Variants in THADA observed in about 807,000 individuals in gnomAD.
THADA encodes THADA armadillo repeat containing.
A neutral mutation model predicts 219.8 loss-of-function variants in THADA; 213 were observed. The ratio of observed to expected loss-of-function variants is 0.97; its 90% CI spans 0.87 to 1.09. THADA has a LOEUF of 1.09. Among genes scored for constraint, THADA ranks in the 50% least tolerant of loss-of-function variants. The pLI is 0.00. For missense variants in THADA, 2,956 were observed against 2,311.3 expected (o/e 1.28, Z -5.72); for synonymous variants, 1,018 against 828.9 (o/e 1.23, Z -3.92).
intron 29 of THADA, among the ~76,000 whole-genome samples, chr2:43,381,367 A>G (rs1271118370): frequency 1.3e-5 from 2 of 152,166 alleles, no homozygotes; most frequent in Non-Finnish European, 2.9e-5. Context: ...GAAGAATTCA[A>G]AATAAGTAAT....
chr2:43,396,878 T>C (rs775244023), intron 29 of THADA, among the ~76,000 whole-genome samples: 1 of 152,130 alleles, frequency 6.6e-6, no homozygotes, highest in African/African-American at 2.4e-5. Flanking sequence ...TAGGGGGAAT[T>C]AGTTATGAAA....
chr2:43,421,910 C>T (rs1420088238), intron 28 of THADA, among the ~76,000 whole-genome samples: 1 of 152,138 alleles, frequency 6.6e-6, no homozygotes, highest in East Asian at 1.9e-4. Flanking sequence ...TTTGAGAGAT[C>T]GAAGGACCCA....
chr2:43,508,671 C>T lies in THADA; in HGVS notation c.3484G>A (p.Ala1162Thr), dbSNP rs770743595. ...ACCTGTATGTAGAAAGGAATTCCAG[C>T]ACTGCGCCTTGTAGCACAGAGTTTA... ...SSKLCATRRS[A>T]GIPFYIQALL... Residue 1162 changes from alanine (A) to threonine (T), a missense_variant, in exon 23 of 38, where the codon GCT becomes ACT. Transcript: ENST00000405975. 7 of 1,613,412 alleles carry T rather than the reference C, an allele frequency of 4.3e-6. No homozygotes were observed. The African/African-American group carries it at 8.0e-5, about 18-fold the overall frequency.
chr2:43,370,664 G>A (rs1474666913), intron 29 of THADA, among the ~76,000 whole-genome samples: 1 of 152,090 alleles, frequency 6.6e-6, no homozygotes, highest in Non-Finnish European at 1.5e-5. Flanking sequence ...TACTCAAGAA[G>A]TTAATACTGA....
At chr2:43,358,946 T>A (rs1332892278) in intron 29 of THADA, among the ~76,000 whole-genome samples, 2 of 152,144 alleles carry the variant, frequency 1.3e-5, no homozygotes, top group Non-Finnish European at 2.9e-5. Flanking sequence ...AAAGTGGCTG[T>A]TTATAAGGGA....
intron 3 of THADA, among the ~76,000 whole-genome samples, chr2:43,591,351 A>T (rs1701546440): frequency 6.6e-6 from 1 of 152,092 alleles, no homozygotes; most frequent in Non-Finnish European, 1.5e-5. Context: ...CAAAGTGTCA[A>T]TTACGTGAAA....
intron 28 of THADA, among the ~76,000 whole-genome samples, chr2:43,422,374 T>A (rs1470449004): frequency 6.6e-6 from 1 of 152,180 alleles, no homozygotes; most frequent in African/African-American, 2.4e-5. Flanking sequence ...TTCCTCCTCA[T>A]CTTGGTCACC....
intron 29 of THADA, among the ~76,000 whole-genome samples, chr2:43,392,138 G>C (rs970867963): frequency 2.6e-5 from 4 of 152,128 alleles, no homozygotes; most frequent in African/African-American, 9.7e-5. Context: ...ATCAAGAAAT[G>C]TTCCATTTCT....
At chr2:43,380,553 C>G (rs1013669091) in intron 29 of THADA, among the ~76,000 whole-genome samples, 20 of 152,204 alleles carry the variant, frequency 1.3e-4, no homozygotes, top group African/African-American at 4.8e-4. Context: ...AATACAGTTG[C>G]AGAAGGACAG....
intron 15 of THADA, chr2:43,564,510 G>C (rs918415806): frequency 6.6e-6 from 1 of 152,200 alleles, no homozygotes; most frequent in African/African-American, 2.4e-5. Flanking sequence ...AAGGATACTT[G>C]TGATGACATT....
intron 24 of THADA, 81 bp downstream of exon 24, chr2:43,505,541 G>C: frequency 3.8e-6 from 4 of 1,045,304 alleles, no homozygotes; most frequent in Non-Finnish European, 4.2e-6. Context: ...GTAACAAGAC[G>C]GTAACAGCCG....
chr2:43,415,463 C>T (rs780091553), intron 28 of THADA, among the ~76,000 whole-genome samples: 9 of 152,240 alleles, frequency 5.9e-5, no homozygotes, highest in Middle Eastern at 3.4e-3. Flanking sequence ...AGTAGTAGAA[C>T]GTGCTCCCTT....
intron 26 of THADA, among the ~76,000 whole-genome samples, chr2:43,432,323 A>G (rs574101977): frequency 1.9e-3 from 294 of 152,280 alleles, no homozygotes; most frequent in African/African-American, 6.8e-3. Context: ...TTTTTCACTC[A>G]GCACAGAGTT....
chr2:43,430,823 C>A (rs139638454), intron 26 of THADA, among the ~76,000 whole-genome samples: 1 of 152,288 alleles, frequency 6.6e-6, no homozygotes, highest in African/African-American at 2.4e-5. Context: ...CAACACCCCT[C>A]CCCAACAATC....
At chr2:43,565,834 T>C (rs1199972689) in intron 15 of THADA, 1 of 152,978 alleles carries the variant, frequency 6.5e-6, no homozygotes, top group African/African-American at 2.4e-5. Flanking sequence ...ACGCCTGTAA[T>C]CTCACCACTT....
intron 21 of THADA, among the ~76,000 whole-genome samples, chr2:43,539,350 T>A (rs565498262): frequency 3.3e-5 from 5 of 152,356 alleles, no homozygotes; most frequent in Non-Finnish European, 7.3e-5. Flanking sequence ...TATTTTTAAC[T>A]CTTAAAGGTT....
chr2:43,385,354 C>T (rs1672521505), intron 29 of THADA, among the ~76,000 whole-genome samples: 1 of 151,764 alleles, frequency 6.6e-6, no homozygotes, highest in South Asian at 2.1e-4. Flanking sequence ...TGCCTGTAAT[C>T]CCAGCACTTT....
At chr2:43,583,913 G>A (rs1425625928) in intron 7 of THADA, among the ~76,000 whole-genome samples, 2 of 151,744 alleles carry the variant, frequency 1.3e-5, no homozygotes, top group African/African-American at 2.4e-5. Context: ...AGTGGCGGAC[G>A]TCTGTGGGCC....
intron 30 of THADA, among the ~76,000 whole-genome samples, chr2:43,341,433 G>A (rs968778654): frequency 5.3e-5 from 8 of 152,162 alleles, no homozygotes; most frequent in African/African-American, 1.9e-4. Flanking sequence ...TAAAAGGCCA[G>A]GAGGACTTCC....
Sources: allele counts gnomAD v4.1 joint callset (sites outside exome capture counted in the v4.1 genomes callset), GRCh38; gene constraint gnomAD v4.1.1; transcripts MANE v1.5; gene names NCBI Gene and HGNC (gene_info 2026-07-23, HGNC 2026-07-21).